Variants in ZDHHC14 observed in about 807,000 individuals in gnomAD.
ZDHHC14 encodes the protein zDHHC palmitoyltransferase 14, also known as palmitoyltransferase ZDHHC14.
Under a neutral mutation model 47.7 loss-of-function variants are expected in ZDHHC14, and 16 were observed. The ratio of observed to expected loss-of-function variants is 0.34; its 90% CI spans 0.23 to 0.51. The LOEUF (loss-of-function observed/expected upper bound fraction) is 0.51, where lower values mean the gene tolerates loss of function less well. Ranked by LOEUF, ZDHHC14 falls within the 20% of genes least tolerant of loss-of-function variation. The probability of loss-of-function intolerance (pLI) is 0.97; values close to 1 mark genes in which losing one functional copy is unlikely to be tolerated. For missense variants in ZDHHC14, 515 were observed against 662.5 expected (o/e 0.78, Z 2.44); for synonymous variants, 293 against 278.9 (o/e 1.05, Z -0.50).
intron 2 of ZDHHC14, among the ~76,000 whole-genome samples, chr6:157,558,597 G>T (rs921589998): frequency 2.0e-5 from 3 of 152,256 alleles, no homozygotes; most frequent in Admixed American, 2.0e-4. Context: ...TTGGATTCAG[G>T]CAAAAGCAAT....
chr6:157,591,844 T>C (rs1438507326), intron 2 of ZDHHC14, among the ~76,000 whole-genome samples: 1 of 152,180 alleles, frequency 6.6e-6, no homozygotes, highest in Non-Finnish European at 1.5e-5. Flanking sequence ...AGAATTAAAA[T>C]GAACAGTTAT....
chr6:157,650,398 G>A (rs1470566752), intron 7 of ZDHHC14, among the ~76,000 whole-genome samples: 2 of 152,070 alleles, frequency 1.3e-5, no homozygotes, highest in Non-Finnish European at 1.5e-5. Context: ...CAAGAGGTGA[G>A]ACAAGACAAG....
At position 157,672,910 on chromosome 6, in the gene ZDHHC14, G is replaced by T. The variant is rs73571886; in HGVS notation, c.1255G>T (p.Ala419Ser). 6 of 1,604,692 alleles carry T rather than the reference G, an allele frequency of 3.7e-6. No homozygotes were observed. Among genetic ancestry groups the T allele is most frequent in the Non-Finnish European group, 4.2e-6 (5 of 1,177,102 alleles). The stretch of plus-strand genomic sequence containing the variant: ...ACCGCCCGCCTCCATGCCCAACCTC[G>T]CCGAGGCCACGCTCGCGGACGTGAT... ...PTPPASMPNLAEATLADVMPR... is the reference protein window; with the variant it reads ...PTPPASMPNLSEATLADVMPR... Residue 419 changes from alanine (A) to serine (S), a missense_variant, in exon 9 of 9, where the codon GCC becomes TCC. Ala to Ser is a moderately conservative substitution (Grantham distance 99). Transcript: ENST00000359775.
chr6:157,542,766 A>G (rs377607289), intron 2 of ZDHHC14, 21 bp downstream of exon 2: 6 of 1,611,778 alleles, frequency 3.7e-6, no homozygotes, highest in Non-Finnish European at 5.1e-6. Flanking sequence ...AAGTCTGCCC[A>G]TGGCCTCTGG....
At chr6:157,539,294 T>C in intron 1 of ZDHHC14, among the ~76,000 whole-genome samples, 1 of 151,946 alleles carries the variant, frequency 6.6e-6, no homozygotes. Flanking sequence ...TTCCAGCCAC[T>C]CAGGAGGCTG....
At chr6:157,606,575 C>T (rs981662320) in intron 3 of ZDHHC14, among the ~76,000 whole-genome samples, 22 of 152,208 alleles carry the variant, frequency 1.4e-4, no homozygotes, top group South Asian at 2.1e-4. Flanking sequence ...TGGATGGAAA[C>T]GTCCAGTGGT....
chr6:157,622,307 C>T (rs1338343172), intron 3 of ZDHHC14, among the ~76,000 whole-genome samples: 3 of 151,826 alleles, frequency 2.0e-5, no homozygotes, highest in Non-Finnish European at 4.4e-5. Context: ...GGAGATATCG[C>T]TTGAACCCGG....
At chr6:157,623,499 G>A (rs1221227875) in intron 3 of ZDHHC14, among the ~76,000 whole-genome samples, 3 of 151,436 alleles carry the variant, frequency 2.0e-5, no homozygotes, top group Non-Finnish European at 2.9e-5. Context: ...ACCCAGTCTC[G>A]GGTATGCCCT....
chr6:157,469,086 TG>T (rs1247052367), intron 1 of ZDHHC14, among the ~76,000 whole-genome samples: 1 of 152,216 alleles, frequency 6.6e-6, no homozygotes, highest in Non-Finnish European at 1.5e-5. Flanking sequence ...TAGGTGAATC[TG>T]GCAGCAGAAT....
chr6:157,561,220 G>A (rs571620122), intron 2 of ZDHHC14, among the ~76,000 whole-genome samples: 1 of 148,262 alleles, frequency 6.7e-6, no homozygotes, highest in Non-Finnish European at 1.5e-5. Flanking sequence ...TCTATCCCGT[G>A]TGTGGAAGAA....
intron 1 of ZDHHC14, among the ~76,000 whole-genome samples, chr6:157,535,445 A>G (rs1781514277): frequency 6.6e-6 from 1 of 152,218 alleles, no homozygotes; most frequent in South Asian, 2.1e-4. Context: ...CGCGTGTGAA[A>G]AAGAGCTGTT....
At chr6:157,640,970 T>C (rs1777219880) in intron 5 of ZDHHC14, among the ~76,000 whole-genome samples, 1 of 152,224 alleles carries the variant, frequency 6.6e-6, no homozygotes, top group African/African-American at 2.4e-5. Flanking sequence ...CATACACATA[T>C]GCTGATACGG....
intron 1 of ZDHHC14, among the ~76,000 whole-genome samples, chr6:157,433,334 A>G (rs1410444909): frequency 6.6e-6 from 1 of 152,264 alleles, no homozygotes; most frequent in African/African-American, 2.4e-5. Context: ...TGATATCGAA[A>G]GAAGGGTAGT....
At position 157,533,014 on chromosome 6, in the gene ZDHHC14, C is replaced by CACA. The variant is rs544893956; in HGVS notation, c.246-9570_246-9568dup. Among the ~76,000 whole-genome samples, 528 of 152,256 alleles carry CACA rather than the reference C, an allele frequency of 3.5e-3. 2 individuals are homozygous for CACA. The highest frequency in any genetic ancestry group is 0.012 in the African/African-American group (490 of 41,548). ...AGAAAATTTGGAAACCACCAAAACG[C>CACA]ACATATGCAGAAAATCACCCAGGGA... On this transcript the variant is annotated intron_variant, in intron 1 of 8. Coordinates refer to ENST00000359775, the MANE Select transcript of ZDHHC14 (RefSeq NM_024630.3).
intron 3 of ZDHHC14, among the ~76,000 whole-genome samples, chr6:157,594,132 T>G (rs1355411132): frequency 6.6e-6 from 1 of 152,214 alleles, no homozygotes; most frequent in Non-Finnish European, 1.5e-5. Flanking sequence ...GTCTTAGAAT[T>G]TGTAGTCTCA....
intron 1 of ZDHHC14, among the ~76,000 whole-genome samples, chr6:157,417,204 G>A (rs182356672): frequency 1.6e-4 from 25 of 151,924 alleles, no homozygotes; most frequent in African/African-American, 4.3e-4. Context: ...TCCTGTTGCC[G>A]TTTGCTCTTA....
intron 1 of ZDHHC14, among the ~76,000 whole-genome samples, chr6:157,460,338 G>A (rs541707855): frequency 7.1e-6 from 1 of 140,430 alleles, no homozygotes; most frequent in African/African-American, 2.6e-5. Flanking sequence ...AGTTGAGACT[G>A]CAGTGAGCTA....
chr6:157,504,250 C>G (rs1780260192), intron 1 of ZDHHC14, among the ~76,000 whole-genome samples: 1 of 151,848 alleles, frequency 6.6e-6, no homozygotes, highest in South Asian at 2.1e-4. Flanking sequence ...CTGTGCCGCC[C>G]AGGCTGGAGT....
chr6:157,662,846 T>C (rs1449617130), intron 8 of ZDHHC14, among the ~76,000 whole-genome samples: 1 of 152,242 alleles, frequency 6.6e-6, no homozygotes, highest in African/African-American at 2.4e-5. Flanking sequence ...GGAAAAAAAT[T>C]ACAAGCTCTA....
Sources: allele counts gnomAD v4.1 joint callset (sites outside exome capture counted in the v4.1 genomes callset), GRCh38; gene constraint gnomAD v4.1.1; transcripts MANE v1.5; gene names NCBI Gene and HGNC (gene_info 2026-07-23, HGNC 2026-07-21).